KIAA0825: variants seen among roughly 807,000 people sequenced by gnomAD.
The protein encoded by KIAA0825 is KIAA0825, also known as uncharacterized protein KIAA0825.
KIAA0825 carries 119 observed loss-of-function variants against 147.6 expected under a neutral mutation model. The observed-to-expected ratio is 0.81, with a 90% CI of 0.69 to 0.94. The LOEUF (loss-of-function observed/expected upper bound fraction) is 0.94. KIAA0825 is among the 40% of genes least tolerant of loss of function. The pLI is 0.00. For synonymous variants in KIAA0825, 470 were observed against 518.1 expected (o/e 0.91, Z 1.26); for missense variants, 1,381 against 1,472.7 (o/e 0.94, Z 1.02).
intron 10 of KIAA0825, among the ~76,000 whole-genome samples, chr5:94,467,605 C>A (rs145109724): frequency 1.4e-4 from 22 of 152,354 alleles, no homozygotes; most frequent in African/African-American, 5.3e-4. Flanking sequence ...CTGACTCTCT[C>A]AAGCTGACAG....
chr5:94,151,840 ATT>A lies in KIAA0825; in HGVS notation c.*2165_*2166del, dbSNP rs1479310734. Among the ~76,000 whole-genome samples the A allele has an allele frequency of 6.6e-6, 1 of 152,210 alleles. No homozygotes were observed. The highest frequency in any genetic ancestry group is 1.5e-5 in the Non-Finnish European group (1 of 68,022). ...TGTATCTAGTTTATTGGATTAATTT[ATT>A]TTTAACTTTCCATTTTTGCATCTTG... On this transcript the variant is annotated 3_prime_UTR_variant, in exon 21 of 21. Coordinates refer to ENST00000682413, the MANE Select transcript of KIAA0825 (RefSeq NM_001145678.3).
intron 16 of KIAA0825, among the ~76,000 whole-genome samples, chr5:94,401,656 C>T (rs927290868): frequency 3.3e-5 from 5 of 152,110 alleles, no homozygotes; most frequent in African/African-American, 7.2e-5. Flanking sequence ...AGTGACAATC[C>T]CATGTGAGAT....
intron 15 of KIAA0825, among the ~76,000 whole-genome samples, chr5:94,408,471 C>T (rs891964037): frequency 2.0e-5 from 3 of 151,986 alleles, no homozygotes; most frequent in Admixed American, 6.6e-5. Flanking sequence ...CTCAGCCACC[C>T]GAGTAGCTGG....
intron 20 of KIAA0825, among the ~76,000 whole-genome samples, chr5:94,297,241 C>A (rs1344836048): frequency 6.6e-6 from 1 of 152,162 alleles, no homozygotes; most frequent in East Asian, 1.9e-4. Context: ...CAGTTATTAT[C>A]TCTAAATCCT....
chr5:94,312,696 A>C (rs1374674475), intron 20 of KIAA0825, among the ~76,000 whole-genome samples: 2 of 151,758 alleles, frequency 1.3e-5, no homozygotes, highest in East Asian at 3.9e-4. Context: ...CACCCTCAGA[A>C]GATAGCATCT....
chr5:94,600,334 T>C (rs997386367), intron 1 of KIAA0825, among the ~76,000 whole-genome samples: 4 of 152,052 alleles, frequency 2.6e-5, no homozygotes, highest in African/African-American at 9.7e-5. Context: ...TAGCATATTA[T>C]ATTCCTTATA....
At chr5:94,508,154 T>C (rs1285914573) in intron 5 of KIAA0825, among the ~76,000 whole-genome samples, 1 of 152,056 alleles carries the variant, frequency 6.6e-6, no homozygotes, top group Non-Finnish European at 1.5e-5. Flanking sequence ...TTGCTAACTG[T>C]ATGTTTAAAA....
intron 5 of KIAA0825, among the ~76,000 whole-genome samples, chr5:94,514,588 C>T (rs1766947785): frequency 1.3e-5 from 2 of 152,314 alleles, no homozygotes; most frequent in Admixed American, 1.3e-4. Context: ...GGGAGAGCTA[C>T]TTAACTTGTC....
intron 20 of KIAA0825, among the ~76,000 whole-genome samples, chr5:94,160,940 G>A (rs1767523072): frequency 6.6e-6 from 1 of 152,094 alleles, no homozygotes; most frequent in Non-Finnish European, 1.5e-5. Flanking sequence ...GTACATGTGA[G>A]CTTTTCTCAG....
chr5:94,211,743 G>C (rs1052031494), intron 20 of KIAA0825, among the ~76,000 whole-genome samples: 1 of 152,186 alleles, frequency 6.6e-6, no homozygotes, highest in East Asian at 1.9e-4. Flanking sequence ...TGCAGACCCT[G>C]TTCCCTACTG....
At chr5:94,577,508 G>A (rs1468519009) in intron 2 of KIAA0825, among the ~76,000 whole-genome samples, 1 of 152,080 alleles carries the variant, frequency 6.6e-6, no homozygotes, top group Non-Finnish European at 1.5e-5. Flanking sequence ...CAGATACCTG[G>A]GCCCCATCCC....
At chr5:94,281,127 A>G (rs1156957064) in intron 20 of KIAA0825, among the ~76,000 whole-genome samples, 4 of 151,924 alleles carry the variant, frequency 2.6e-5, no homozygotes, top group Non-Finnish European at 5.9e-5. Context: ...GTTTTAGCAG[A>G]GCATAGGCTC....
At chr5:94,536,680 C>T (rs1772091905) in intron 3 of KIAA0825, among the ~76,000 whole-genome samples, 1 of 152,126 alleles carries the variant, frequency 6.6e-6, no homozygotes, top group Admixed American at 6.5e-5. Context: ...GCAATCAGGG[C>T]CTTACACTCT....
At chr5:94,379,705 T>C (rs1425592425) in intron 20 of KIAA0825, among the ~76,000 whole-genome samples, 1 of 152,162 alleles carries the variant, frequency 6.6e-6, no homozygotes, top group Non-Finnish European at 1.5e-5. Context: ...TTTAACAATA[T>C]TGATTATTCC....
At chr5:94,481,386 T>C (rs1762484352) in intron 6 of KIAA0825, among the ~76,000 whole-genome samples, 1 of 152,144 alleles carries the variant, frequency 6.6e-6, no homozygotes, top group African/African-American at 2.4e-5. Context: ...GTTCCCATTG[T>C]ATGCACTACA....
At chr5:94,423,140 G>A (rs1334052944) in intron 14 of KIAA0825, among the ~76,000 whole-genome samples, 9 of 152,114 alleles carry the variant, frequency 5.9e-5, no homozygotes, top group East Asian at 5.8e-4. Context: ...TATAGTTTTC[G>A]GCTCTTTTGG....
At chr5:94,502,103 G>A (rs1293299088) in intron 5 of KIAA0825, among the ~76,000 whole-genome samples, 1 of 152,090 alleles carries the variant, frequency 6.6e-6, no homozygotes, top group Non-Finnish European at 1.5e-5. Flanking sequence ...ACTATTAACA[G>A]GGATTACTTT....
At chr5:94,326,433 C>G (rs906565203) in intron 20 of KIAA0825, among the ~76,000 whole-genome samples, 2 of 152,084 alleles carry the variant, frequency 1.3e-5, no homozygotes, top group Non-Finnish European at 2.9e-5. Context: ...GATGTAGTTC[C>G]AAACCATCAT....
intron 20 of KIAA0825, among the ~76,000 whole-genome samples, chr5:94,347,668 A>G (rs986233999): frequency 2.6e-5 from 4 of 152,140 alleles, no homozygotes; most frequent in African/African-American, 9.7e-5. Flanking sequence ...TCAGCCCTAG[A>G]CCTTCCCTCT....
Sources: gnomAD v4.1 joint callset for allele counts (sites outside exome capture counted in the v4.1 genomes callset) on GRCh38, gnomAD v4.1.1 for gene constraint, MANE v1.5 for transcripts, NCBI Gene and HGNC (gene_info 2026-07-23, HGNC 2026-07-21) for gene names.